Variants in SP100 observed in about 807,000 individuals in gnomAD.
The protein encoded by SP100 is nuclear autoantigen Sp-100.
Under a neutral mutation model 130.0 loss-of-function variants are expected in SP100, and 84 were observed. That is an observed-to-expected ratio of 0.65 (90% CI 0.54 to 0.77). The LOEUF (loss-of-function observed/expected upper bound fraction) is 0.77, where lower values mean the gene tolerates loss of function less well. Ranked by LOEUF, SP100 falls within the 30% of genes least tolerant of loss-of-function variation. The pLI is 0.00. For synonymous variants in SP100, 331 were observed against 351.7 expected, an observed-to-expected ratio of 0.94 and a Z score of 0.66; for missense variants, 978 against 1,052.2, an observed-to-expected ratio of 0.93 and a Z score of 0.97.
At chr2:230,520,750 A>T (rs1691135475) in intron 24 of SP100, 1 of 152,204 alleles carries the variant, frequency 6.6e-6, no homozygotes, top group South Asian at 2.1e-4. Context: ...ACACACCAAC[A>T]AAGTTGAGAG....
intron 2 of SP100, among the ~76,000 whole-genome samples, chr2:230,418,274 T>C (rs2062672639): frequency 6.6e-6 from 1 of 152,186 alleles, no homozygotes; most frequent in Non-Finnish European, 1.5e-5. Flanking sequence ...AGGTTTCTTG[T>C]TTCTTGTCAT....
intron 2 of SP100, among the ~76,000 whole-genome samples, chr2:230,437,487 T>C (rs1022338878): frequency 2.6e-5 from 4 of 152,210 alleles, no homozygotes; most frequent in African/African-American, 9.7e-5. Context: ...GCTAAGATTA[T>C]GCTGAATATT....
intron 17 of SP100, among the ~76,000 whole-genome samples, chr2:230,477,158 C>A (rs2065596679): frequency 6.6e-6 from 1 of 152,096 alleles, no homozygotes; most frequent in Admixed American, 6.5e-5. Context: ...AGCTACCACG[C>A]CCGGCCCTCT....
chr2:230,438,639 GTATA>G (rs142300655), intron 2 of SP100, among the ~76,000 whole-genome samples: 3 of 135,054 alleles, frequency 2.2e-5, no homozygotes, highest in Non-Finnish European at 4.7e-5. Flanking sequence ...ACTCCATGGT[GTATA>G]TATATACACA....
chr2:230,467,109 C>T lies in SP100; in HGVS notation c.1196-11C>T. Reference sequence around the variant, plus strand: ...TTGAGAGCTCCAAAGGACATTTGCTCCTTTCTGCAGTGATAGGACAAGACC... The same window carrying T: ...TTGAGAGCTCCAAAGGACATTTGCTTCTTTCTGCAGTGATAGGACAAGACC... On this transcript the variant is annotated splice_polypyrimidine_tract_variant and intron_variant, in intron 12 of 28. Transcript: ENST00000340126. 6.3e-7 allele frequency: 1 copy of T among 1,599,386 alleles called. No homozygotes were observed. The highest frequency in any genetic ancestry group is 1.1e-5 in the South Asian group (1 of 90,768).
intron 24 of SP100, among the ~76,000 whole-genome samples, chr2:230,521,411 C>G (rs1691163852): frequency 6.6e-6 from 1 of 152,158 alleles, no homozygotes; most frequent in Admixed American, 6.5e-5. Context: ...GTAACTGACC[C>G]CCGGTGCCTG....
At chr2:230,535,872 A>C (rs1321753924) in intron 24 of SP100, among the ~76,000 whole-genome samples, 2 of 122,686 alleles carry the variant, frequency 1.6e-5, no homozygotes, top group African/African-American at 6.4e-5. Context: ...ATGCCACTCC[A>C]CTCCAGCCTG....
intron 14 of SP100, chr2:230,469,635 A>G (rs1269422705): frequency 1.6e-6 from 1 of 628,098 alleles, no homozygotes; most frequent in East Asian, 6.5e-5. Flanking sequence ...GAGACCAGAG[A>G]CAGAATAGGG....
chr2:230,432,071 C>A (rs1394615693), intron 2 of SP100, among the ~76,000 whole-genome samples: 1 of 152,190 alleles, frequency 6.6e-6, no homozygotes, highest in African/African-American at 2.4e-5. Flanking sequence ...CCCTAGGCAA[C>A]CATCAATATA....
At chr2:230,481,821 A>T (rs986471933) in intron 17 of SP100, among the ~76,000 whole-genome samples, 3 of 152,324 alleles carry the variant, frequency 2.0e-5, no homozygotes, top group African/African-American at 7.2e-5. Context: ...GAATAAACCA[A>T]GTAGTGTTCA....
chr2:230,422,384 A>T lies in SP100; in HGVS notation c.107+4719A>T, dbSNP rs150100706. Among the ~76,000 whole-genome samples, 11 of 152,224 alleles carry T rather than the reference A, an allele frequency of 7.2e-5. 1 individual carries two copies. The East Asian group carries it at 2.1e-3, about 29-fold the overall frequency. ...CACATTTCGGAATGAGACACTAAAA[A>T]TCTGATTAGGAGCTCTGTGCAAGGA... On this transcript the variant is annotated intron_variant, in intron 2 of 28. Transcript: ENST00000340126.
Position 230,449,711 on chromosome 2 carries a change from G to T in SP100, c.736+1G>T, listed in dbSNP as rs1350243172. ...TGTGCTCAAAAGGCTGAGCCAACAG[G>T]TAAGACTGACTGGGTTGGCATGAAT... is the stretch of plus-strand genomic sequence containing the variant. On this transcript the variant is annotated splice_donor_variant, in intron 7 of 28. Transcript: ENST00000340126. LOFTEE classifies it high-confidence loss of function. 3 of 1,614,092 alleles carry T rather than the reference G, an allele frequency of 1.9e-6. No individual in the cohort carries two copies. Among genetic ancestry groups the T allele is most frequent in the Non-Finnish European group, 2.5e-6 (3 of 1,179,982 alleles).
rs144906573 is a variant in SP100, at chr2:230,435,427, G to A, written c.108-7510G>A. On this transcript the variant is annotated intron_variant, in intron 2 of 28. Coordinates refer to ENST00000340126, the MANE Select transcript of SP100 (RefSeq NM_001080391.2). ...TGCTTTTCTACACTCTTTTATATCTGTATTGCTTTTTAAAAACATTTTAAC... is the reference window on the plus strand; with the variant it reads ...TGCTTTTCTACACTCTTTTATATCTATATTGCTTTTTAAAAACATTTTAAC... 9.2e-5 allele frequency among the ~76,000 whole-genome samples: 14 copies of A among 152,132 alleles called. No individual in the cohort carries two copies. In the East Asian group the frequency reaches 2.5e-3, roughly 27 times the overall value.
At chr2:230,498,142 C>T (rs999852734) in intron 18 of SP100, among the ~76,000 whole-genome samples, 1 of 152,162 alleles carries the variant, frequency 6.6e-6, no homozygotes, top group Non-Finnish European at 1.5e-5. Flanking sequence ...ACATAATAAG[C>T]ACTTAAGTCT....
intron 24 of SP100, among the ~76,000 whole-genome samples, chr2:230,520,906 G>A (rs558232849): frequency 6.6e-6 from 1 of 152,174 alleles, no homozygotes; most frequent in Non-Finnish European, 1.5e-5. Context: ...CAACATACAG[G>A]CTCAAATGTC....
At chr2:230,441,645 T>G (rs556058084) in intron 2 of SP100, among the ~76,000 whole-genome samples, 2 of 152,026 alleles carry the variant, frequency 1.3e-5, no homozygotes, top group East Asian at 3.9e-4. Flanking sequence ...TTTTATCCCA[T>G]TTATACAAAA....
intron 24 of SP100, among the ~76,000 whole-genome samples, chr2:230,536,232 T>G (rs1691934142): frequency 6.6e-6 from 1 of 152,094 alleles, no homozygotes; most frequent in Non-Finnish European, 1.5e-5. Flanking sequence ...GATTTTTGGG[T>G]GGCTATGTGG....
intron 5 of SP100, among the ~76,000 whole-genome samples, chr2:230,447,764 GTTCTTTATGGACA>G (rs1033448424): frequency 6.6e-6 from 1 of 152,120 alleles, no homozygotes; most frequent in African/African-American, 2.4e-5. Flanking sequence ...GTCACTTAGG[GTTCTTTATGGACA>G]TTCCATTATA....
intron 8 of SP100, among the ~76,000 whole-genome samples, chr2:230,456,702 G>A (rs1216845221): frequency 6.6e-6 from 1 of 152,122 alleles, no homozygotes; most frequent in East Asian, 1.9e-4. Flanking sequence ...GATGCTCTCT[G>A]ATGCCTTTTT....
Sources: allele counts gnomAD v4.1 joint callset (sites outside exome capture counted in the v4.1 genomes callset), GRCh38; gene constraint gnomAD v4.1.1; transcripts MANE v1.5; gene names NCBI Gene and HGNC (gene_info 2026-07-23, HGNC 2026-07-21).